KCNIP4: variants seen among roughly 807,000 people sequenced by gnomAD.
KCNIP4 encodes the protein Kv channel-interacting protein 4.
Under a neutral mutation model 34.0 loss-of-function variants are expected in KCNIP4, and 12 were observed. That is an observed-to-expected ratio of 0.35 (90% CI 0.23 to 0.57). KCNIP4 has a LOEUF of 0.57. Among genes scored for constraint, KCNIP4 ranks in the 20% least tolerant of loss-of-function variants. KCNIP4 has a pLI of 0.83. For missense variants in KCNIP4, 238 were observed against 311.7 expected (o/e 0.76, Z 1.78); for synonymous variants, 124 against 102.2 (o/e 1.21, Z -1.29).
chr4:21,331,065 C>A (rs941120803), intron 1 of KCNIP4, among the ~76,000 whole-genome samples: 1 of 152,146 alleles, frequency 6.6e-6, no homozygotes, highest in African/African-American at 2.4e-5. Context: ...TGTCCTTGTT[C>A]ATGTGTAAGA....
chr4:21,851,133 G>A (rs1168354131), intron 1 of KCNIP4: 2 of 97,090 alleles, frequency 2.1e-5, no homozygotes, highest in African/African-American at 4.4e-5. Context: ...TTTAACTTTC[G>A]ATCCCACCCT....
intron 1 of KCNIP4, among the ~76,000 whole-genome samples, chr4:21,798,512 G>GA (rs3052679): frequency 1.2e-3 from 118 of 102,468 alleles, no homozygotes; most frequent in Middle Eastern, 5.1e-3. Context: ...AAGACCCTGG[G>GA]AAAAAAAAAA....
At chr4:20,738,304 A>G (rs1244795132) in intron 5 of KCNIP4, among the ~76,000 whole-genome samples, 1 of 152,204 alleles carries the variant, frequency 6.6e-6, no homozygotes. Flanking sequence ...TATGTCATTA[A>G]TTGTAAGGGG....
At chr4:21,311,558 G>A (rs368161154) in intron 1 of KCNIP4, among the ~76,000 whole-genome samples, 14 of 152,104 alleles carry the variant, frequency 9.2e-5, no homozygotes, top group African/African-American at 2.9e-4. Context: ...GTGTGATGGT[G>A]CGTGCCTGTA....
intron 1 of KCNIP4, among the ~76,000 whole-genome samples, chr4:21,737,830 A>T (rs2109122760): frequency 6.6e-6 from 1 of 152,246 alleles, no homozygotes; most frequent in East Asian, 1.9e-4. Context: ...CATGCCTATA[A>T]TCCTAGCACT....
At chr4:21,406,023 C>T (rs539913490) in intron 1 of KCNIP4, among the ~76,000 whole-genome samples, 6 of 152,036 alleles carry the variant, frequency 3.9e-5, no homozygotes, top group Non-Finnish European at 7.4e-5. Context: ...TTAGTAGAGA[C>T]GGGGTTTCTC....
chr4:21,608,015 C>T (rs1024043409), intron 1 of KCNIP4, among the ~76,000 whole-genome samples: 1 of 152,108 alleles, frequency 6.6e-6, no homozygotes, highest in Non-Finnish European at 1.5e-5. Context: ...AATTCAGGCC[C>T]GGATGCTAAG....
intron 1 of KCNIP4, among the ~76,000 whole-genome samples, chr4:21,525,557 T>C (rs1448990657): frequency 6.6e-6 from 1 of 152,174 alleles, no homozygotes; most frequent in Non-Finnish European, 1.5e-5. Context: ...AATTTACTCA[T>C]TGGTATAGCG....
At chr4:21,849,065 T>C (rs183908648) in intron 1 of KCNIP4, 26 of 152,160 alleles carry the variant, frequency 1.7e-4, no homozygotes, top group African/African-American at 5.8e-4. Context: ...GAATCATTCC[T>C]TCTAAGAGAA....
chr4:21,777,296 C>G (rs1320237801), intron 1 of KCNIP4, among the ~76,000 whole-genome samples: 2 of 152,188 alleles, frequency 1.3e-5, no homozygotes, highest in Admixed American at 6.5e-5. Flanking sequence ...TAAACTAATA[C>G]AGATGTCTTC....
intron 1 of KCNIP4, among the ~76,000 whole-genome samples, chr4:21,828,827 C>T (rs28672670): frequency 9.2e-5 from 14 of 151,948 alleles, no homozygotes; most frequent in African/African-American, 2.2e-4. Flanking sequence ...GAGTTTACCA[C>T]GAACACACAC....
chr4:21,150,850 GA>G, intron 1 of KCNIP4, among the ~76,000 whole-genome samples: 1 of 151,990 alleles, frequency 6.6e-6, no homozygotes, highest in Non-Finnish European at 1.5e-5. Flanking sequence ...TGGGTGCTTT[GA>G]AAAAAGAAAG....
In KCNIP4 at chr4:21,396,694, C is replaced by T. The variant is rs936110128; in HGVS notation, c.62-513985G>A. On this transcript the variant is annotated intron_variant, in intron 1 of 8. Coordinates refer to ENST00000382152, the MANE Select transcript of KCNIP4 (RefSeq NM_025221.6). ...TGGGCTCAAAGTTGTCACTATGACT[C>T]TTACAAGAAAACAACAGCAAGGGGG... 1.5e-4 allele frequency among the ~76,000 whole-genome samples: 23 copies of T among 151,780 alleles called. 1 individual carries two copies. Among genetic ancestry groups the T allele is most frequent in the Admixed American group, 1.5e-3 (23 of 15,222 alleles).
intron 1 of KCNIP4, among the ~76,000 whole-genome samples, chr4:21,460,701 A>G (rs895371261): frequency 2.0e-5 from 3 of 151,916 alleles, no homozygotes; most frequent in Admixed American, 2.0e-4. Flanking sequence ...CAAAGTCCCC[A>G]CCTCCAAGTA....
intron 1 of KCNIP4, among the ~76,000 whole-genome samples, chr4:21,585,190 A>G (rs1185488250): frequency 6.6e-6 from 1 of 152,016 alleles, no homozygotes; most frequent in Non-Finnish European, 1.5e-5. Flanking sequence ...TGACAGTGCT[A>G]TGAGGTGGGT....
intron 1 of KCNIP4, among the ~76,000 whole-genome samples, chr4:21,281,233 C>T (rs532733233): frequency 8.6e-5 from 13 of 151,710 alleles, no homozygotes; most frequent in Middle Eastern, 3.4e-3. Context: ...ACTACAGGCA[C>T]GCACCACCAC....
chr4:21,037,700 CAAAT>C (rs1191180306), intron 1 of KCNIP4, among the ~76,000 whole-genome samples: 1 of 152,164 alleles, frequency 6.6e-6, no homozygotes, highest in Admixed American at 6.5e-5. Flanking sequence ...TTGCTAGAAA[CAAAT>C]GAATGTTTGT....
chr4:21,061,389 A>T (rs1743902018), intron 1 of KCNIP4, among the ~76,000 whole-genome samples: 1 of 152,076 alleles, frequency 6.6e-6, no homozygotes, highest in African/African-American at 2.4e-5. Context: ...TGCATGCATA[A>T]TTTTTCTTTT....
chr4:21,475,288 T>G (rs939979940), intron 1 of KCNIP4, among the ~76,000 whole-genome samples: 37 of 152,306 alleles, frequency 2.4e-4, no homozygotes, highest in African/African-American at 7.9e-4. Flanking sequence ...AAAGGTACAC[T>G]GAGTTGTATC....
Sources: allele counts gnomAD v4.1 joint callset (sites outside exome capture counted in the v4.1 genomes callset), GRCh38; gene constraint gnomAD v4.1.1; transcripts MANE v1.5; gene names NCBI Gene and HGNC (gene_info 2026-07-23, HGNC 2026-07-21).